The following CASD1 variants were observed in gnomAD, a reference collection of about 807,000 sequenced individuals.
The protein encoded by CASD1 is CAS1 domain sialic acid O acetyltransferase 1, also known as N-acetylneuraminate (7)9-O-acetyltransferase.
CASD1 carries 41 observed loss-of-function variants against 100.0 expected under a neutral mutation model. The observed-to-expected ratio is 0.41, with a 90% CI of 0.32 to 0.53. CASD1 has a LOEUF of 0.53. Ranked by LOEUF, CASD1 falls within the 20% of genes least tolerant of loss-of-function variation. The pLI is 0.25. For missense variants in CASD1, 774 were observed against 948.7 expected (o/e 0.82, Z 2.42); for synonymous variants, 321 against 315.6 (o/e 1.02, Z -0.18).
At chr7:94,532,418 C>T (rs184270457) in intron 5 of CASD1, among the ~76,000 whole-genome samples, 171 of 152,152 alleles carry the variant, frequency 1.1e-3, no homozygotes, top group Non-Finnish European at 1.7e-3. Flanking sequence ...ATAACTGAGA[C>T]GGCCACTAAG....
chr7:94,617,226 TG>T, the CASD1 span: 4 of 152,240 alleles, frequency 2.6e-5, no homozygotes, highest in African/African-American at 9.6e-5. Flanking sequence ...TAGACATAGT[TG>T]GAAAGCAGTG....
At chr7:94,557,438 A>G (rs1325240432), downstream of CASD1, among the ~76,000 whole-genome samples, 2 of 152,126 alleles carry the variant, frequency 1.3e-5, no homozygotes, top group African/African-American at 4.8e-5. Context: ...AGAATAGTAT[A>G]GTTATAAATC....
At chr7:94,601,701 C>A in the CASD1 span, among the ~76,000 whole-genome samples, 1 of 152,026 alleles carries the variant, frequency 6.6e-6, no homozygotes, top group African/African-American at 2.4e-5. Context: ...GTTAATAATA[C>A]AGTGTTAGTA....
chr7:94,587,916 T>G, the CASD1 span: 16 of 1,460,432 alleles, frequency 1.1e-5, no homozygotes, highest in Non-Finnish European at 1.4e-5. Context: ...CTTAATAGTT[T>G]CCCTACCACA....
the CASD1 span, chr7:94,588,756 G>A: frequency 1.2e-6 from 2 of 1,613,310 alleles, no homozygotes; most frequent in Non-Finnish European, 1.7e-6. Context: ...ACATTTTTGA[G>A]TAAAACTGTT....
At chr7:94,589,791 C>A in the CASD1 span, 1 of 188,358 alleles carries the variant, frequency 5.3e-6, no homozygotes, top group South Asian at 1.4e-4. Flanking sequence ...GGAAAACAAG[C>A]TGAGGGCTCC....
the CASD1 span, among the ~76,000 whole-genome samples, chr7:94,602,638 T>C: frequency 1.3e-5 from 2 of 151,284 alleles, no homozygotes; most frequent in Non-Finnish European, 2.9e-5. Context: ...GATAACAGGA[T>C]CAAAATATTA....
At chr7:94,566,941 G>C in the CASD1 span, among the ~76,000 whole-genome samples, 6 of 152,014 alleles carry the variant, frequency 3.9e-5, no homozygotes, top group African/African-American at 1.4e-4. Context: ...AGGCTTTTTA[G>C]CATGCAGAAA....
intron 1 of CASD1, among the ~76,000 whole-genome samples, chr7:94,514,372 G>C (rs1332829247): frequency 2.0e-5 from 3 of 151,984 alleles, no homozygotes; most frequent in Non-Finnish European, 4.4e-5. Flanking sequence ...ATAACTTGCT[G>C]TATCTTAGGC....
At chr7:94,579,634 T>A in the CASD1 span, among the ~76,000 whole-genome samples, 1 of 152,176 alleles carries the variant, frequency 6.6e-6, no homozygotes. Flanking sequence ...GTACCTTATC[T>A]TTTTTGCTAT....
intron 14 of CASD1, 147 bp downstream of exon 14, chr7:94,549,781 T>C (rs554134850): frequency 4.0e-5 from 22 of 549,624 alleles, no homozygotes; most frequent in Non-Finnish European, 6.1e-5. Flanking sequence ...CACTACCCCC[T>C]GCACTCTTTT....
At chr7:94,589,644 T>C in the CASD1 span, 4 of 152,504 alleles carry the variant, frequency 2.6e-5, no homozygotes, top group Non-Finnish European at 5.9e-5. Context: ...GCGGCAGCAG[T>C]AGACGGTCAT....
At chr7:94,558,095 C>T (rs1796266166), downstream of CASD1, among the ~76,000 whole-genome samples, 1 of 152,154 alleles carries the variant, frequency 6.6e-6, no homozygotes, top group Non-Finnish European at 1.5e-5. Context: ...ACTTGCTTGA[C>T]TGAATTCTAC....
intron 1 of CASD1, among the ~76,000 whole-genome samples, chr7:94,510,647 G>T (rs1192617466): frequency 1.3e-5 from 2 of 152,232 alleles, no homozygotes; most frequent in African/African-American, 4.8e-5. Context: ...GCTGCCAGCA[G>T]TGGGGTCGCA....
At chr7:94,533,151 T>C in intron 5 of CASD1, 54 bp from the exon 6 acceptor site, 2 of 1,244,802 alleles carry the variant, frequency 1.6e-6, no homozygotes, top group South Asian at 2.9e-5. Flanking sequence ...ATGTTACTTG[T>C]AGTAATTCCC....
At position 94,514,680 on chromosome 7, in the gene CASD1, C is replaced by T. The variant is rs149450537; in HGVS notation, c.134-2880C>T. On this transcript the variant is annotated intron_variant, in intron 1 of 17. Coordinates refer to ENST00000297273, the MANE Select transcript of CASD1 (RefSeq NM_022900.5). ...AGATTGACAAACCAGAATGCTTATA[C>T]TTAAGATAAGAGAATAAAGAGGAAG... 2.3e-3 allele frequency among the ~76,000 whole-genome samples: 352 copies of T among 152,112 alleles called. 2 individuals carry two copies. Among genetic ancestry groups the T allele is most frequent in the African/African-American group, 7.7e-3 (318 of 41,508 alleles).
intron 8 of CASD1, 88 bp from the exon 9 acceptor site, chr7:94,537,384 T>G: frequency 8.2e-7 from 1 of 1,226,146 alleles, no homozygotes; most frequent in South Asian, 1.5e-5. Flanking sequence ...GTTTCAGTGC[T>G]AAAAACTCAG....
rs1794611942 is a variant in CASD1, at chr7:94,527,120, T to G, written c.352-42T>G. 2.0e-6 allele frequency: 3 copies of G among 1,469,368 alleles called. No individual in the cohort carries two copies. In the South Asian group the frequency reaches 3.6e-5, roughly 18 times the overall value. The allele number at this position is 1,469,368 out of a possible 1,614,324, so 91.0% of individuals were successfully genotyped here. A position where few individuals can be genotyped will look rare whatever the true frequency, so the allele number is the denominator to read the frequency against. On this transcript the variant is annotated intron_variant, in intron 3 of 17. Transcript: ENST00000297273. ...TAAATGGGGCATTTTTTATATAAAT[T>G]TAATCTATACATTAATATTTCTCTG...
chr7:94,608,785 A>G, the CASD1 span, among the ~76,000 whole-genome samples: 1 of 152,238 alleles, frequency 6.6e-6, no homozygotes, highest in Non-Finnish European at 1.5e-5. Flanking sequence ...CTATTCAACT[A>G]ATCTGTGGCA....
Sources: allele counts gnomAD v4.1 joint callset (sites outside exome capture counted in the v4.1 genomes callset), GRCh38; gene constraint gnomAD v4.1.1; transcripts MANE v1.5; gene names NCBI Gene and HGNC (gene_info 2026-07-23, HGNC 2026-07-21).